Variants in TBL1XR1 observed in about 807,000 individuals in gnomAD.
The protein encoded by TBL1XR1 is TBL1X/Y related 1, also known as F-box-like/WD repeat-containing protein TBL1XR1.
In TBL1XR1, 5 loss-of-function variants were observed where a neutral mutation model predicts 66.9. The ratio of observed to expected loss-of-function variants is 0.07; its 90% CI spans 0.04 to 0.16. TBL1XR1 has a LOEUF of 0.16. Ranked by LOEUF, TBL1XR1 falls within the 10% of genes least tolerant of loss-of-function variation. The probability of loss-of-function intolerance (pLI) is 1.00; values close to 1 mark genes in which losing one functional copy is unlikely to be tolerated. For missense variants in TBL1XR1, 238 were observed against 623.2 expected (o/e 0.38, Z 6.58); for synonymous variants, 210 against 206.0 (o/e 1.02, Z -0.17).
chr3:177,118,967 GTTTT>G (rs956725506), intron 1 of TBL1XR1, among the ~76,000 whole-genome samples: 1 of 151,724 alleles, frequency 6.6e-6, no homozygotes, highest in Non-Finnish European at 1.5e-5. Flanking sequence ...GGATAATCAG[GTTTT>G]TTTTGTTTTT....
chr3:177,036,270 C>G lies in TBL1XR1; in HGVS notation c.1122+1828G>C, dbSNP rs77348326. On this transcript the variant is annotated intron_variant, in intron 12 of 15. Transcript: ENST00000457928. ...AAGGATTTTAAAGACCACCTATCTG[C>G]TGAGAATTCCCAGTTTTTAATCTTG... is the stretch of plus-strand genomic sequence containing the variant. 6.6e-4 allele frequency among the ~76,000 whole-genome samples: 100 copies of G among 152,336 alleles called. No homozygotes were observed. In the East Asian group the frequency reaches 0.019, roughly 29 times the overall value.
At chr3:177,180,235 C>CAAAA (rs34198735) in intron 1 of TBL1XR1, among the ~76,000 whole-genome samples, 7 of 72,224 alleles carry the variant, frequency 9.7e-5, no homozygotes, top group East Asian at 4.9e-4. Flanking sequence ...GACTCCGTCT[C>CAAAA]AAAAAAAAAA....
intron 1 of TBL1XR1, chr3:177,163,959 AAT>A (rs1208763958): frequency 6.6e-6 from 1 of 152,226 alleles, no homozygotes; most frequent in African/African-American, 2.4e-5. Context: ...CACAAAAAAG[AAT>A]ATATACCTTT....
chr3:177,121,585 G>T (rs1473618842), intron 1 of TBL1XR1, among the ~76,000 whole-genome samples: 1 of 152,018 alleles, frequency 6.6e-6, no homozygotes, highest in South Asian at 2.1e-4. Flanking sequence ...ATGCATTAAC[G>T]TTCTCTTTAA....
intron 1 of TBL1XR1, among the ~76,000 whole-genome samples, chr3:177,186,973 C>G (rs918273793): frequency 6.6e-6 from 1 of 151,930 alleles, no homozygotes; most frequent in African/African-American, 2.4e-5. Context: ...GAGACCATCC[C>G]GGCTAACAGG....
At chr3:177,138,502 G>A (rs538843448) in intron 1 of TBL1XR1, among the ~76,000 whole-genome samples, 1 of 151,974 alleles carries the variant, frequency 6.6e-6, no homozygotes, top group Non-Finnish European at 1.5e-5. Context: ...TGAGGTGAGA[G>A]GATCACTTGA....
chr3:177,038,009 AAGAC>A, intron 12 of TBL1XR1, 85 bp downstream of exon 12: 2 of 1,145,652 alleles, frequency 1.7e-6, no homozygotes, highest in East Asian at 4.8e-5. Context: ...CACTCCATGT[AAGAC>A]AGACATTCTA....
At chr3:177,027,776 T>C (rs1713357865) in intron 14 of TBL1XR1, 1 of 152,242 alleles carries the variant, frequency 6.6e-6, no homozygotes, top group Non-Finnish European at 1.5e-5. Context: ...ACATTGCTAC[T>C]GATTATCAGG....
Position 177,050,075 on chromosome 3 carries a change from C to T in TBL1XR1, c.624G>A (p.Gln208=). The T allele has an allele frequency of 6.2e-6, 10 of 1,613,764 alleles. No homozygotes were observed. The highest frequency in any genetic ancestry group is 8.5e-6 in the Non-Finnish European group (10 of 1,179,788). ...LSENSTSGST[Q]LVLRHCIREG... Reference sequence around the variant, plus strand: ...CTCGTATACAATGTCTAAGTACTAACTGTGTAGAGCCACTGGTGCTGTTCT... The same window carrying T: ...CTCGTATACAATGTCTAAGTACTAATTGTGTAGAGCCACTGGTGCTGTTCT... The change falls in exon 7 of 16, where the codon CAG becomes CAA. Residue 208 remains glutamine, a synonymous_variant. Coordinates refer to ENST00000457928, the MANE Select transcript of TBL1XR1 (RefSeq NM_024665.7).
intron 1 of TBL1XR1, among the ~76,000 whole-genome samples, chr3:177,192,064 G>C (rs1424753808): frequency 7.3e-6 from 1 of 137,536 alleles, no homozygotes; most frequent in Non-Finnish European, 1.5e-5. Flanking sequence ...TTGCACTCCA[G>C]CATGGGTGAC....
At chr3:177,104,129 A>G (rs78190479) in intron 1 of TBL1XR1, among the ~76,000 whole-genome samples, 22 of 141,234 alleles carry the variant, frequency 1.6e-4, no homozygotes, top group Non-Finnish European at 2.3e-4. Context: ...AAAAAAAAAA[A>G]AGAGAGAGAG....
intron 1 of TBL1XR1, among the ~76,000 whole-genome samples, chr3:177,169,273 A>C (rs993447423): frequency 1.3e-5 from 2 of 152,228 alleles, no homozygotes; most frequent in African/African-American, 4.8e-5. Context: ...CATTAGCCTA[A>C]AGGAGAAATA....
chr3:177,101,476 G>A (rs1724205239), intron 1 of TBL1XR1, among the ~76,000 whole-genome samples: 1 of 152,166 alleles, frequency 6.6e-6, no homozygotes, highest in South Asian at 2.1e-4. Flanking sequence ...ATTTGGAGGT[G>A]GGGCCTTTGA....
intron 1 of TBL1XR1, among the ~76,000 whole-genome samples, chr3:177,165,447 T>C (rs561027729): frequency 1.1e-4 from 17 of 152,138 alleles, no homozygotes; most frequent in Non-Finnish European, 2.5e-4. Flanking sequence ...CAACACAATC[T>C]CAATCAAAAT....
intron 1 of TBL1XR1, among the ~76,000 whole-genome samples, chr3:177,159,773 A>T (rs1397528399): frequency 6.6e-6 from 1 of 152,242 alleles, no homozygotes; most frequent in Non-Finnish European, 1.5e-5. Flanking sequence ...AGGGCTTAGT[A>T]AAGACTAATG....
In TBL1XR1 at chr3:177,024,139, T is replaced by A. The variant is rs1712757593; in HGVS notation, c.*1359A>T. 1.3e-5 allele frequency: 2 copies of A among 152,452 alleles called. No homozygotes were observed. The highest frequency in any genetic ancestry group is 6.6e-5 in the Admixed American group (1 of 15,246). The allele number at this position is 152,452 out of a possible 1,614,324, so 9.4% of individuals were successfully genotyped here. ...ATTAGCAGCTTAAATCTATCTATATTTGAAAAAACGTAGTCACAAGTACCA... is the reference window on the plus strand; with the variant it reads ...ATTAGCAGCTTAAATCTATCTATATATGAAAAAACGTAGTCACAAGTACCA... On this transcript the variant is annotated 3_prime_UTR_variant, in exon 16 of 16. Transcript: ENST00000457928.
intron 2 of TBL1XR1, among the ~76,000 whole-genome samples, chr3:177,088,878 A>G (rs144384702): frequency 0.026 from 3,953 of 152,314 alleles, 77 homozygotes; most frequent in South Asian, 0.037. Flanking sequence ...ATTTAATAAT[A>G]CCAGTTCCTA....
intron 2 of TBL1XR1, among the ~76,000 whole-genome samples, chr3:177,071,204 G>A (rs1027850598): frequency 2.0e-5 from 3 of 151,792 alleles, no homozygotes; most frequent in Admixed American, 6.6e-5. Flanking sequence ...CTAATTTTTT[G>A]TATTTTCAGT....
At chr3:177,130,055 G>C (rs1728099180) in intron 1 of TBL1XR1, among the ~76,000 whole-genome samples, 1 of 147,022 alleles carries the variant, frequency 6.8e-6, no homozygotes, top group African/African-American at 2.5e-5. Flanking sequence ...GGAGGCTGGA[G>C]AATCGCTTGA....
Sources: allele counts gnomAD v4.1 joint callset (sites outside exome capture counted in the v4.1 genomes callset), GRCh38; gene constraint gnomAD v4.1.1; transcripts MANE v1.5; gene names NCBI Gene and HGNC (gene_info 2026-07-23, HGNC 2026-07-21).